The following ZFAT variants were observed in gnomAD, a reference collection of about 807,000 sequenced individuals.
ZFAT encodes zinc finger and AT-hook domain containing.
In ZFAT, 64 loss-of-function variants were observed where a neutral mutation model predicts 117.7. That is an observed-to-expected ratio of 0.54 (90% confidence interval 0.44 to 0.67). ZFAT has a LOEUF of 0.67. ZFAT is among the 30% of genes least tolerant of loss of function. ZFAT has a pLI of 0.00. For synonymous variants in ZFAT, 679 were observed against 615.0 expected (o/e 1.10, Z -1.54); for missense variants, 1,433 against 1,584.5 (o/e 0.90, Z 1.62).
At chr8:134,748,045 G>A in the ZFAT span, among the ~76,000 whole-genome samples, 1 of 152,144 alleles carries the variant, frequency 6.6e-6, no homozygotes, top group African/African-American at 2.4e-5. Flanking sequence ...CTGGGGTTGT[G>A]GTAGTTTTTA....
chr8:134,693,511 T>C (rs183633226), intron 1 of ZFAT, among the ~76,000 whole-genome samples: 2 of 152,250 alleles, frequency 1.3e-5, no homozygotes, highest in Admixed American at 6.5e-5. Flanking sequence ...GAGGTGCGGC[T>C]ATGTGAATTA....
the ZFAT span, among the ~76,000 whole-genome samples, chr8:134,745,759 G>A: frequency 6.6e-6 from 1 of 152,106 alleles, no homozygotes; most frequent in African/African-American, 2.4e-5. Flanking sequence ...ACCAATAATA[G>A]CATTACTTTA....
At chr8:134,582,229 G>T (rs1825762528) in intron 10 of ZFAT, among the ~76,000 whole-genome samples, 1 of 152,190 alleles carries the variant, frequency 6.6e-6, no homozygotes, top group Admixed American at 6.5e-5. Flanking sequence ...AGTTGGTCCA[G>T]GGCCTGACAA....
intron 14 of ZFAT, chr8:134,510,020 C>T: frequency 2.1e-6 from 1 of 481,816 alleles, no homozygotes; most frequent in Non-Finnish European, 4.1e-6. Flanking sequence ...CTCATTTGGG[C>T]CACTGAGTCA....
At chr8:134,596,435 T>C (rs561808797) in intron 7 of ZFAT, among the ~76,000 whole-genome samples, 2 of 152,312 alleles carry the variant, frequency 1.3e-5, no homozygotes, top group African/African-American at 4.8e-5. Flanking sequence ...AGCTAAATAC[T>C]GGTGGGTGGT....
chr8:134,597,658 G>A (rs1827064572), intron 7 of ZFAT: 1 of 152,180 alleles, frequency 6.6e-6, no homozygotes, highest in African/African-American at 2.4e-5. Flanking sequence ...CCTGAAGGCA[G>A]GGACCAGATC....
chr8:134,601,646 A>G lies in ZFAT; in HGVS notation c.2073T>C (p.Gly691=). The change falls in exon 6 of 16, where the codon GGT becomes GGC. Residue 691 remains glycine (G), a synonymous_variant. Coordinates refer to ENST00000377838, the MANE Select transcript of ZFAT (RefSeq NM_020863.4). ...CAGGCTGATGTGTGATGGTGTCCCC[A>G]CCACCAGCTACTGGAGGGAGGAGGT... ...ASDLLPPVAG[G]GDTITHQPDS... is the part of the protein sequence containing the mutation. 1 of 1,614,168 alleles carries G rather than the reference A, an allele frequency of 6.2e-7. No homozygotes were observed. The highest frequency in any genetic ancestry group is 8.5e-7 in the Non-Finnish European group (1 of 1,180,024).
intron 11 of ZFAT, among the ~76,000 whole-genome samples, chr8:134,556,102 G>A (rs1586702024): frequency 1.3e-5 from 2 of 150,370 alleles, no homozygotes; most frequent in Admixed American, 6.6e-5. Context: ...AAAAGAAAAG[G>A]AAAAGAAAAA....
At chr8:134,773,984 A>ATTTTTTTTTT in the ZFAT span, among the ~76,000 whole-genome samples, 95 of 103,276 alleles carry the variant, frequency 9.2e-4, 4 homozygotes, top group African/African-American at 3.5e-3. Context: ...TTGAGGATTA[A>ATTTTTTTTTT]TTTTTTTTTT....
At position 134,602,777 on chromosome 8, in the gene ZFAT, G is replaced by C; in HGVS notation, c.942C>G (p.Leu314=). The change falls in exon 6 of 16, where the codon CTC becomes CTG. Residue 314 remains leucine, a synonymous_variant. Coordinates refer to ENST00000377838, the MANE Select transcript of ZFAT (RefSeq NM_020863.4). ...CAGTGTGCTTGCGCAGGTGCACATT[G>C]AGGTTGGCCTTGATGGCACTGGCAT... ...CSYASAIKAN[L]NVHLRKHTGE... The C allele has an allele frequency of 6.2e-7, 1 of 1,614,246 alleles. No homozygotes were observed. The highest frequency in any genetic ancestry group is 8.5e-7 in the Non-Finnish European group (1 of 1,180,050).
At chr8:134,504,647 T>C (rs978877435) in intron 15 of ZFAT, among the ~76,000 whole-genome samples, 4 of 152,098 alleles carry the variant, frequency 2.6e-5, no homozygotes, top group African/African-American at 9.7e-5. Flanking sequence ...GAGGGTAACA[T>C]AGGTCAGGAA....
chr8:134,516,145 G>A (rs759582991), intron 13 of ZFAT, among the ~76,000 whole-genome samples: 1 of 152,202 alleles, frequency 6.6e-6, no homozygotes, highest in East Asian at 1.9e-4. Flanking sequence ...CAGGGTGTTT[G>A]CCTTAGAGAG....
chr8:134,671,002 G>T (rs1832534451), intron 1 of ZFAT, among the ~76,000 whole-genome samples: 1 of 152,152 alleles, frequency 6.6e-6, no homozygotes, highest in African/African-American at 2.4e-5. Flanking sequence ...AGAAAATCTA[G>T]AAGAAATGGA....
At chr8:134,616,754 A>G (rs540443653) in intron 3 of ZFAT, among the ~76,000 whole-genome samples, 6 of 152,314 alleles carry the variant, frequency 3.9e-5, no homozygotes, top group African/African-American at 1.2e-4. Flanking sequence ...TGAGCAGCAC[A>G]GGGGCTGGTT....
intron 10 of ZFAT, among the ~76,000 whole-genome samples, chr8:134,571,740 C>A (rs948521101): frequency 6.6e-6 from 1 of 152,208 alleles, no homozygotes; most frequent in Non-Finnish European, 1.5e-5. Flanking sequence ...TGTCACAATA[C>A]CTGTTTGACT....
chr8:134,825,944 C>A, the ZFAT span, among the ~76,000 whole-genome samples: 19,208 of 151,550 alleles, frequency 0.13, 1,274 homozygotes, highest in African/African-American at 0.15. Flanking sequence ...TGGCGTGAAC[C>A]CGAGAGGCGG....
At chr8:134,739,579 G>T in the ZFAT span, among the ~76,000 whole-genome samples, 2 of 152,188 alleles carry the variant, frequency 1.3e-5, no homozygotes, top group South Asian at 4.2e-4. Context: ...TCATCTTCTG[G>T]GATGAAAAAT....
chr8:134,741,962 C>G, the ZFAT span, among the ~76,000 whole-genome samples: 12 of 152,078 alleles, frequency 7.9e-5, no homozygotes, highest in African/African-American at 2.9e-4. Flanking sequence ...CACCTCTTCA[C>G]CTGCGTACTT....
chr8:134,620,646 AG>A (rs1829046298), intron 3 of ZFAT, among the ~76,000 whole-genome samples: 1 of 152,230 alleles, frequency 6.6e-6, no homozygotes, highest in South Asian at 2.1e-4. Flanking sequence ...GGCTGCTAAA[AG>A]TCACTCTTCC....
Sources: gnomAD v4.1 joint callset for allele counts (sites outside exome capture counted in the v4.1 genomes callset) on GRCh38, gnomAD v4.1.1 for gene constraint, MANE v1.5 for transcripts, NCBI Gene and HGNC (gene_info 2026-07-23, HGNC 2026-07-21) for gene names.